LRP1B: variants seen among roughly 807,000 people sequenced by gnomAD.
The protein encoded by LRP1B is LDL receptor related protein 1B, also known as low-density lipoprotein receptor-related protein 1B.
LRP1B carries 217 observed loss-of-function variants against 556.6 expected under a neutral mutation model. That is an observed-to-expected ratio of 0.39 (90% CI 0.35 to 0.44). The LOEUF (loss-of-function observed/expected upper bound fraction) is 0.44. Ranked by LOEUF, LRP1B falls within the 20% of genes least tolerant of loss-of-function variation. The pLI is 1.00. For missense variants in LRP1B, 5,053 were observed against 5,620.8 expected (o/e 0.90, Z 3.23); for synonymous variants, 2,047 against 1,865.8 (o/e 1.10, Z -2.50).
rs142351802 is a variant in LRP1B, at chr2:141,452,489, G to A, written c.343+27907C>T. ...TGTTAACTTAAACCAGTTCCTCAAT[G>A]CTGAATTCTATACTGTTTTCTGTAA... On this transcript the variant is annotated intron_variant, in intron 3 of 90. Coordinates refer to ENST00000389484, the MANE Select transcript of LRP1B (RefSeq NM_018557.3). Among the ~76,000 whole-genome samples the A allele has an allele frequency of 1.5e-3, 227 of 152,266 alleles. 1 individual carries two copies. The highest frequency in any genetic ancestry group is 5.3e-3 in the African/African-American group (219 of 41,540).
intron 7 of LRP1B, among the ~76,000 whole-genome samples, chr2:141,152,285 A>G (rs1048531865): frequency 1.3e-5 from 2 of 152,044 alleles, no homozygotes; most frequent in Non-Finnish European, 2.9e-5. Context: ...TTTGTAAAAC[A>G]CTTTGCACAG....
intron 41 of LRP1B, among the ~76,000 whole-genome samples, chr2:140,646,096 C>T (rs1367526644): frequency 6.6e-6 from 1 of 152,132 alleles, no homozygotes; most frequent in Non-Finnish European, 1.5e-5. Context: ...AAACTCAGTT[C>T]TCGTAATTTC....
chr2:140,644,790 C>T (rs1298442155), intron 41 of LRP1B, among the ~76,000 whole-genome samples: 2 of 152,128 alleles, frequency 1.3e-5, no homozygotes, highest in East Asian at 1.9e-4. Flanking sequence ...CTCTTTGCCA[C>T]AGTGAAATGG....
At chr2:141,801,317 C>A (rs1019006346) in intron 2 of LRP1B, among the ~76,000 whole-genome samples, 1 of 152,070 alleles carries the variant, frequency 6.6e-6, no homozygotes, top group African/African-American at 2.4e-5. Flanking sequence ...GAGACAAGAT[C>A]TTGCTCTATC....
intron 2 of LRP1B, among the ~76,000 whole-genome samples, chr2:141,652,103 C>T (rs1332499493): frequency 1.3e-5 from 2 of 152,118 alleles, no homozygotes; most frequent in Admixed American, 6.5e-5. Context: ...AGATACAGGT[C>T]CCAAGGAGAC....
chr2:141,004,119 G>C (rs1479371396), intron 15 of LRP1B, among the ~76,000 whole-genome samples: 1 of 151,986 alleles, frequency 6.6e-6, no homozygotes, highest in Non-Finnish European at 1.5e-5. Context: ...TCTCTCACAA[G>C]AGACAATCAT....
chr2:140,255,738 T>G (rs548084941), intron 86 of LRP1B, among the ~76,000 whole-genome samples: 10 of 152,306 alleles, frequency 6.6e-5, no homozygotes, highest in African/African-American at 2.4e-4. Context: ...GTCTCATATA[T>G]GTGTGCATTC....
At chr2:141,863,372 T>G (rs777992921) in intron 1 of LRP1B, among the ~76,000 whole-genome samples, 65 of 152,170 alleles carry the variant, frequency 4.3e-4, no homozygotes, top group Non-Finnish European at 7.6e-4. Flanking sequence ...TCATTTCTGA[T>G]TAAGTGATCA....
intron 3 of LRP1B, among the ~76,000 whole-genome samples, chr2:141,479,732 T>G (rs1386014967): frequency 6.6e-6 from 1 of 152,122 alleles, no homozygotes; most frequent in Non-Finnish European, 1.5e-5. Flanking sequence ...CTGCTCTTAT[T>G]TCTCTTCATC....
At chr2:140,413,273 A>G (rs1685042094) in intron 66 of LRP1B, among the ~76,000 whole-genome samples, 1 of 152,188 alleles carries the variant, frequency 6.6e-6, no homozygotes, top group Admixed American at 6.5e-5. Flanking sequence ...AAGTCATCTT[A>G]ATCCTTTATC....
At chr2:141,222,184 C>A (rs542408397) in intron 6 of LRP1B, among the ~76,000 whole-genome samples, 1 of 151,970 alleles carries the variant, frequency 6.6e-6, no homozygotes, top group East Asian at 1.9e-4. Context: ...TTCAAATAGA[C>A]AATATGAAAT....
chr2:141,774,357 A>G (rs1694991134), intron 2 of LRP1B, among the ~76,000 whole-genome samples: 1 of 152,110 alleles, frequency 6.6e-6, no homozygotes, highest in Non-Finnish European at 1.5e-5. Context: ...GAAGGTGAAG[A>G]GGAACTAGCA....
At chr2:141,639,804 GA>G (rs1348622532) in intron 2 of LRP1B, among the ~76,000 whole-genome samples, 1 of 152,030 alleles carries the variant, frequency 6.6e-6, no homozygotes, top group African/African-American at 2.4e-5. Context: ...AAATTCTTAA[GA>G]GGCAGGATTT....
intron 2 of LRP1B, among the ~76,000 whole-genome samples, chr2:141,581,321 A>T (rs1487777771): frequency 6.6e-6 from 1 of 152,200 alleles, no homozygotes; most frequent in Non-Finnish European, 1.5e-5. Flanking sequence ...TAGGTAATAC[A>T]CTTTAAGCTC....
intron 2 of LRP1B, among the ~76,000 whole-genome samples, chr2:141,801,109 C>T (rs1310295620): frequency 1.3e-5 from 2 of 151,948 alleles, no homozygotes; most frequent in Non-Finnish European, 2.9e-5. Context: ...ATTGCCTAAC[C>T]CAATGATCGA....
chr2:141,806,197 T>TA (rs1057309936), intron 2 of LRP1B, among the ~76,000 whole-genome samples: 1 of 152,050 alleles, frequency 6.6e-6, no homozygotes, highest in Non-Finnish European at 1.5e-5. Flanking sequence ...TACCTCAGAA[T>TA]AAAAGTGCCT....
intron 3 of LRP1B, among the ~76,000 whole-genome samples, chr2:141,449,547 C>T (rs926369550): frequency 2.0e-5 from 3 of 152,000 alleles, no homozygotes; most frequent in Admixed American, 2.0e-4. Context: ...ACTTTGCCGT[C>T]CCTACATATT....
chr2:140,723,033 A>C (rs1478753186), intron 35 of LRP1B, among the ~76,000 whole-genome samples: 1 of 152,102 alleles, frequency 6.6e-6, no homozygotes, highest in Non-Finnish European at 1.5e-5. Context: ...ACAGAGCGAG[A>C]CTCTGTCTCA....
intron 2 of LRP1B, among the ~76,000 whole-genome samples, chr2:141,752,823 C>A (rs1369699500): frequency 6.7e-6 from 1 of 149,754 alleles, no homozygotes; most frequent in Non-Finnish European, 1.5e-5. Flanking sequence ...GCCTGTGGTC[C>A]CTGCGACTTG....
Sources: gnomAD v4.1 joint callset for allele counts (sites outside exome capture counted in the v4.1 genomes callset) on GRCh38, gnomAD v4.1.1 for gene constraint, MANE v1.5 for transcripts, NCBI Gene and HGNC (gene_info 2026-07-23, HGNC 2026-07-21) for gene names.